Variants in ABCA10 observed in about 807,000 individuals in gnomAD.
ABCA10 encodes ATP-binding cassette sub-family A member 10.
In ABCA10, 169 loss-of-function variants were observed where a neutral mutation model predicts 187.5. That is an observed-to-expected ratio of 0.90 (90% CI 0.80 to 1.02). The LOEUF is 1.02. Ranked by LOEUF, ABCA10 falls within the 50% of genes least tolerant of loss-of-function variation. The pLI, the probability that ABCA10 is intolerant of heterozygous loss-of-function variation, is 0.00. For synonymous variants in ABCA10, 574 were observed against 601.8 expected (o/e 0.95, Z 0.68); for missense variants, 1,727 against 1,812.4 (o/e 0.95, Z 0.86).
chr17:69,175,693 A>G (rs958533459), intron 22 of ABCA10, 180 bp from the exon 23 acceptor site: 1 of 473,634 alleles, frequency 2.1e-6, no homozygotes, highest in Non-Finnish European at 3.7e-6. Context: ...CAGGAACAGC[A>G]TGATATAAAA....
At chr17:69,199,928 T>G (rs2074531992) in intron 10 of ABCA10, among the ~76,000 whole-genome samples, 1 of 152,200 alleles carries the variant, frequency 6.6e-6, no homozygotes, top group Non-Finnish European at 1.5e-5. Flanking sequence ...CTATAAAAGT[T>G]TTCATGCAGG....
intron 27 of ABCA10, among the ~76,000 whole-genome samples, chr17:69,160,616 C>CAA (rs745367836): frequency 6.7e-6 from 1 of 148,172 alleles, no homozygotes; most frequent in East Asian, 1.9e-4. Context: ...AACAAACAAA[C>CAA]AAACAAAAAA....
At position 69,153,496 on chromosome 17, in the gene ABCA10, GT is replaced by G. The variant is rs1598084272; in HGVS notation, c.4015del (p.Thr1339LeufsTer6). ...LQEQLKAPVKTLSEGIKRKLC... is the reference protein window; with the variant it reads ...LQEQLKAPVKXLSEGIKRKLC... Reference sequence around the variant, plus strand: ...CTTTCTCTTTATTCCCTCTGATAGAGTTTTCACAGGAGCCTTAAGTTGTTCC... The same window carrying G: ...CTTTCTCTTTATTCCCTCTGATAGAGTTTCACAGGAGCCTTAAGTTGTTCC... On this transcript the variant is annotated frameshift_variant, in exon 33 of 39. Transcript: ENST00000690296. LOFTEE classifies it high-confidence loss of function. 1 of 1,614,160 alleles carries G rather than the reference GT, an allele frequency of 6.2e-7. No homozygotes were observed. Among genetic ancestry groups the G allele is most frequent in the Non-Finnish European group, 8.5e-7 (1 of 1,180,012 alleles).
At chr17:69,193,061 C>T in intron 15 of ABCA10, 49 bp downstream of exon 15, 1 of 1,541,518 alleles carries the variant, frequency 6.5e-7, no homozygotes, top group South Asian at 1.2e-5. Context: ...AAATAACTCT[C>T]ATGTTAAATC....
At chr17:69,206,296 A>C (rs1747088395) in intron 9 of ABCA10, among the ~76,000 whole-genome samples, 1 of 152,204 alleles carries the variant, frequency 6.6e-6, no homozygotes. Context: ...GGTATCATTT[A>C]AAGGAAAAAA....
At chr17:69,186,313 T>G (rs138306463) in intron 19 of ABCA10, among the ~76,000 whole-genome samples, 26 of 152,204 alleles carry the variant, frequency 1.7e-4, no homozygotes, top group African/African-American at 6.0e-4. Flanking sequence ...GGACAGAAAC[T>G]CCTTCATCTT....
At chr17:69,167,972 CA>C (rs2074266769) in intron 25 of ABCA10, among the ~76,000 whole-genome samples, 2 of 152,158 alleles carry the variant, frequency 1.3e-5, no homozygotes, top group Non-Finnish European at 2.9e-5. Context: ...ACCCCTAAGA[CA>C]GCAAGACCAA....
In ABCA10 at chr17:69,187,823, A is replaced by T. The variant is rs1443342116; in HGVS notation, c.2188T>A (p.Ser730Thr). ...IHVTRNTGDESEMEQVLCSLP... is the reference protein window; with the variant it reads ...IHVTRNTGDETEMEQVLCSLP... ...GAACAAAGAACCTGTTCCATTTCAG[A>T]CTCATCTCCAGTATTTCTTGTCACA... Residue 730 changes from serine (S) to threonine (T), a missense_variant, in exon 19 of 39, where the codon TCT becomes ACT. Transcript: ENST00000690296. 1.2e-6 allele frequency: 2 copies of T among 1,613,630 alleles called. No individual in the cohort carries two copies. The highest frequency in any genetic ancestry group is 1.3e-5 in the African/African-American group (1 of 74,878).
At chr17:69,181,019 CA>C (rs892630065) in intron 22 of ABCA10, among the ~76,000 whole-genome samples, 4 of 150,994 alleles carry the variant, frequency 2.6e-5, no homozygotes, top group Non-Finnish European at 4.4e-5. Context: ...GAAGCCAAAC[CA>C]AAAAAAAGCA....
intron 25 of ABCA10, among the ~76,000 whole-genome samples, chr17:69,170,065 G>A (rs1469406538): frequency 6.6e-6 from 1 of 151,964 alleles, no homozygotes; most frequent in East Asian, 1.9e-4. Context: ...AGGTAGGCGG[G>A]TCACCTGAGG....
rs1598102779 is a variant in ABCA10 at position 69,185,406 on chromosome 17, C to T, written c.2497+71G>A. 5.0e-6 allele frequency: 7 copies of T among 1,411,176 alleles called. No homozygotes were observed. In the African/African-American group the frequency reaches 5.7e-5, roughly 11 times the overall value. 87.4% of individuals were successfully genotyped at this position (1,411,176 alleles called of 1,614,324 possible). On this transcript the variant is annotated intron_variant, in intron 20 of 38. Coordinates refer to ENST00000690296, the MANE Select transcript of ABCA10 (RefSeq NM_001377321.1). ...AGACACCATTTTTGTTTTCAATTGT[C>T]TCTCAGGTATGTGCTTTCTAAAGAT...
At chr17:69,190,526 T>C in intron 17 of ABCA10, 49 bp from the exon 18 acceptor site, 1 of 1,455,694 alleles carries the variant, frequency 6.9e-7, no homozygotes, top group Non-Finnish European at 9.2e-7. Flanking sequence ...TATCAATGAG[T>C]ATATTAAAAT....
At chr17:69,161,524 T>A (rs547793933) in intron 27 of ABCA10, among the ~76,000 whole-genome samples, 2 of 152,236 alleles carry the variant, frequency 1.3e-5, no homozygotes, top group East Asian at 3.9e-4. Context: ...TATAATGTGG[T>A]GGGATGTGAC....
At chr17:69,223,012 T>C (rs1414784741) in intron 3 of ABCA10, among the ~76,000 whole-genome samples, 1 of 151,342 alleles carries the variant, frequency 6.6e-6, no homozygotes, top group South Asian at 2.1e-4. Flanking sequence ...ACCATGTGCA[T>C]ATTTGCCTTG....
intron 5 of ABCA10, among the ~76,000 whole-genome samples, chr17:69,220,305 G>A (rs2074738231): frequency 6.6e-6 from 1 of 152,086 alleles, no homozygotes; most frequent in Non-Finnish European, 1.5e-5. Context: ...GAAAAGGAAA[G>A]AAGGTGTATA....
rs1207708806 is a variant in ABCA10, at chr17:69,197,070, A to G, written c.1228T>C (p.Leu410=). 1 of 1,583,588 alleles carries G rather than the reference A, an allele frequency of 6.3e-7. No individual in the cohort carries two copies. The highest frequency in any genetic ancestry group is 8.6e-7 in the Non-Finnish European group (1 of 1,160,236). ...AGGGAGTTTTTCTTTTTACCTTGCAATGCTTCTACTTTTCCAGTCTTTCCA... is the reference window on the plus strand; with the variant it reads ...AGGGAGTTTTTCTTTTTACCTTGCAGTGCTTCTACTTTTCCAGTCTTTCCA... ...YNGKTGKVEA[L]QGIFFDIYEG... is the part of the protein sequence containing the mutation. The change falls in exon 11 of 39, where the codon TTG becomes CTG. Residue 410 remains leucine, a synonymous_variant. Transcript: ENST00000690296.
intron 27 of ABCA10, among the ~76,000 whole-genome samples, chr17:69,162,838 C>CATATACTTATACATATATAT (rs375141032): frequency 8.3e-6 from 1 of 120,838 alleles, no homozygotes; most frequent in Non-Finnish European, 1.6e-5. Context: ...TATACATATA[C>CATATACTTATACATATATAT]ATATATATAT....
intron 3 of ABCA10, among the ~76,000 whole-genome samples, chr17:69,224,697 A>G (rs2074779356): frequency 6.6e-6 from 1 of 151,702 alleles, no homozygotes; most frequent in Admixed American, 6.6e-5. Flanking sequence ...GGAAAAAAAA[A>G]AAAAAAGCCT....
chr17:69,182,587 C>A, intron 21 of ABCA10, 88 bp downstream of exon 21: 1 of 1,367,694 alleles, frequency 7.3e-7, no homozygotes, highest in Non-Finnish European at 9.5e-7. Flanking sequence ...AGAAAACATA[C>A]TTAAGTTTCC....
Sources: allele counts gnomAD v4.1 joint callset (sites outside exome capture counted in the v4.1 genomes callset), GRCh38; gene constraint gnomAD v4.1.1; transcripts MANE v1.5; gene names NCBI Gene and HGNC (gene_info 2026-07-23, HGNC 2026-07-21).